Variants in GNG7 observed in about 807,000 individuals in gnomAD.
GNG7 encodes the protein guanine nucleotide-binding protein G(I)/G(S)/G(O) subunit gamma-7.
Under a neutral mutation model 4.0 loss-of-function variants are expected in GNG7, and 1 was observed. That is an observed-to-expected ratio of 0.25 (90% CI 0.09 to 1.18). The LOEUF is 1.18. Ranked by LOEUF, GNG7 falls within the 50% of genes most tolerant of loss-of-function variation. The pLI is 0.50. For synonymous variants in GNG7, 34 were observed against 36.9 expected (o/e 0.92, Z 0.29); for missense variants, 86 against 91.9 (o/e 0.94, Z 0.26).
intron 2 of GNG7, among the ~76,000 whole-genome samples, chr19:2,627,363 C>T (rs777839786): frequency 1.3e-5 from 2 of 152,098 alleles, no homozygotes; most frequent in Non-Finnish European, 2.9e-5. Context: ...AGGGGGTGAA[C>T]CCACCCCCTG....
At position 2,538,683 on chromosome 19, in the gene GNG7, C is replaced by G. The variant is rs1184450485; in HGVS notation, c.-38+16466G>C. 3 of 461,652 alleles carry G rather than the reference C, an allele frequency of 6.5e-6. No homozygotes were observed. In the East Asian group the frequency reaches 2.1e-4, roughly 33 times the overall value. 28.6% of individuals were successfully genotyped at this position (461,652 alleles called of 1,614,324 possible). A position where few individuals can be genotyped will look rare whatever the true frequency, so the allele number is the denominator to read the frequency against. ...TATATTTTACTTACAAGGTTCACTA[C>G]TCTAACAGCTCCACTGAGATTCCTG... is the stretch of plus-strand genomic sequence containing the variant. On this transcript the variant is annotated intron_variant, in intron 3 of 4. Coordinates refer to ENST00000382159, the MANE Select transcript of GNG7 (RefSeq NM_052847.3).
chr19:2,552,077 G>C (rs942342171), intron 3 of GNG7, among the ~76,000 whole-genome samples: 1 of 152,132 alleles, frequency 6.6e-6, no homozygotes, highest in South Asian at 2.1e-4. Flanking sequence ...TCTCATAGAA[G>C]CGTGAACCCA....
At chr19:2,636,393 G>T (rs936222540) in intron 2 of GNG7, among the ~76,000 whole-genome samples, 3 of 152,166 alleles carry the variant, frequency 2.0e-5, no homozygotes, top group African/African-American at 7.2e-5. Context: ...TCACCCTGAG[G>T]AGCATGACAT....
At chr19:2,584,587 C>T (rs62123675) in intron 2 of GNG7, among the ~76,000 whole-genome samples, 48,467 of 136,484 alleles carry the variant, frequency 0.36, 10,054 homozygotes, top group African/African-American at 0.57. Context: ...ACAGGGCAGA[C>T]CCTGCCTTAA....
Position 2,602,925 on chromosome 19 carries a change from T to C in GNG7, c.-78+43299A>G, listed in dbSNP as rs538412920. ...TCTTTCTTTCTTTCTTTCTTTCTTT[T>C]TGTTTCTTCCTTTCTTCCTTTCTTT... On this transcript the variant is annotated intron_variant, in intron 2 of 4. Transcript: ENST00000382159. 7.2e-3 allele frequency among the ~76,000 whole-genome samples: 594 copies of C among 82,058 alleles called. 1 individual carries two copies. The highest frequency in any genetic ancestry group is 0.013 in the Middle Eastern group (2 of 152). 53.8% of individuals were successfully genotyped at this position (82,058 alleles called of 152,430 possible).
At chr19:2,544,801 G>A (rs542327575) in intron 3 of GNG7, among the ~76,000 whole-genome samples, 1 of 152,244 alleles carries the variant, frequency 6.6e-6, no homozygotes, top group Admixed American at 6.5e-5. Context: ...GGCATGGAGT[G>A]GGTGGAGGCC....
intron 1 of GNG7, among the ~76,000 whole-genome samples, chr19:2,655,779 CAG>C (rs1247078215): frequency 3.5e-5 from 5 of 142,808 alleles, no homozygotes; most frequent in African/African-American, 1.3e-4. Context: ...GTGGAGCTTG[CAG>C]TGAGTCGAGA....
chr19:2,681,035 G>C (rs1280294396), intron 1 of GNG7, among the ~76,000 whole-genome samples: 4 of 152,094 alleles, frequency 2.6e-5, no homozygotes, highest in Non-Finnish European at 4.4e-5. Flanking sequence ...TTTCCCTGAG[G>C]ACTGACGCGG....
intron 3 of GNG7, among the ~76,000 whole-genome samples, chr19:2,523,530 T>C (rs949897243): frequency 1.3e-5 from 2 of 151,870 alleles, no homozygotes; most frequent in African/African-American, 4.8e-5. Context: ...TCTGAATAAA[T>C]AATAAAAGGG....
At chr19:2,588,373 C>G (rs745831143) in intron 2 of GNG7, among the ~76,000 whole-genome samples, 6 of 152,184 alleles carry the variant, frequency 3.9e-5, no homozygotes, top group African/African-American at 7.2e-5. Context: ...TGAGATAAAC[C>G]AGCACGACGC....
chr19:2,667,858 T>C (rs1459045023), intron 1 of GNG7, among the ~76,000 whole-genome samples: 1 of 151,986 alleles, frequency 6.6e-6, no homozygotes, highest in Non-Finnish European at 1.5e-5. Flanking sequence ...GAGATTACAG[T>C]GAGCCGAGAT....
chr19:2,628,252 T>C (rs1009963914), intron 2 of GNG7, among the ~76,000 whole-genome samples: 4 of 152,206 alleles, frequency 2.6e-5, no homozygotes, highest in African/African-American at 9.6e-5. Flanking sequence ...AATCAAGGTA[T>C]GGGCTGGGCC....
chr19:2,569,656 G>A (rs1285225267), intron 2 of GNG7, among the ~76,000 whole-genome samples: 1 of 152,192 alleles, frequency 6.6e-6, no homozygotes, highest in Non-Finnish European at 1.5e-5. Context: ...TCTTAGCACT[G>A]TGGACACTGT....
chr19:2,688,093 A>T (rs183159371), intron 1 of GNG7, among the ~76,000 whole-genome samples: 1 of 152,198 alleles, frequency 6.6e-6, no homozygotes, highest in South Asian at 2.1e-4. Flanking sequence ...CCTACTAAAA[A>T]TAACAAAAAA....
In GNG7 at chr19:2,615,423, C is replaced by A. The variant is rs150485451; in HGVS notation, c.-78+30801G>T. On this transcript the variant is annotated intron_variant, in intron 2 of 4. Transcript: ENST00000382159. ...TGGCACAGACTCTGTCCTCTTGGTG[C>A]CACCTCATCCTATTTTCTTTGTCTT... is the stretch of plus-strand genomic sequence containing the variant. Among the ~76,000 whole-genome samples the A allele has an allele frequency of 9.6e-3, 1,435 of 149,398 alleles. 44 individuals are homozygous for A. Among genetic ancestry groups the A allele is most frequent in the East Asian group, 0.04 (202 of 5,074 alleles).
At chr19:2,643,376 C>G (rs1486056707) in intron 2 of GNG7, 4 of 410,178 alleles carry the variant, frequency 9.8e-6, no homozygotes, top group Non-Finnish European at 1.9e-5. Flanking sequence ...GTCTGAGCCT[C>G]TCCGGGCTCT....
At chr19:2,657,059 C>T (rs558895952) in intron 1 of GNG7, among the ~76,000 whole-genome samples, 3 of 151,604 alleles carry the variant, frequency 2.0e-5, no homozygotes, top group African/African-American at 7.3e-5. Flanking sequence ...TCATTACAGG[C>T]GCGGTGGCTC....
At chr19:2,651,121 T>C (rs536315672) in intron 1 of GNG7, among the ~76,000 whole-genome samples, 28 of 152,256 alleles carry the variant, frequency 1.8e-4, no homozygotes, top group Middle Eastern at 3.4e-3. Flanking sequence ...ACAGAGGCCA[T>C]GGACAGTGGT....
At chr19:2,540,705 G>T (rs895685429) in intron 3 of GNG7, among the ~76,000 whole-genome samples, 10 of 152,170 alleles carry the variant, frequency 6.6e-5, no homozygotes, top group Admixed American at 3.9e-4. Context: ...AGCGAGGCCC[G>T]CCGGGCAGCG....
Sources: gnomAD v4.1 joint callset for allele counts (sites outside exome capture counted in the v4.1 genomes callset) on GRCh38, gnomAD v4.1.1 for gene constraint, MANE v1.5 for transcripts, NCBI Gene and HGNC (gene_info 2026-07-23, HGNC 2026-07-21) for gene names.